SORCS3: variants seen among roughly 807,000 people sequenced by gnomAD.
The protein encoded by SORCS3 is VPS10 domain-containing receptor SorCS3.
A neutral mutation model predicts 146.3 loss-of-function variants in SORCS3; 57 were observed. The observed-to-expected ratio is 0.39, with a 90% CI of 0.31 to 0.49. The LOEUF is 0.49. Among genes scored for constraint, SORCS3 ranks in the 20% least tolerant of loss-of-function variants. The pLI is 0.92. For missense variants in SORCS3, 1,341 were observed against 1,575.5 expected (o/e 0.85, Z 2.52); for synonymous variants, 653 against 618.5 (o/e 1.06, Z -0.83).
intron 7 of SORCS3, among the ~76,000 whole-genome samples, chr10:105,126,178 A>C (rs1053417522): frequency 6.6e-6 from 1 of 152,124 alleles, no homozygotes; most frequent in South Asian, 2.1e-4. Context: ...ACTTTTTGTT[A>C]AATATGTCAA....
intron 3 of SORCS3, among the ~76,000 whole-genome samples, chr10:104,961,069 C>T (rs938325857): frequency 2.0e-5 from 3 of 152,058 alleles, no homozygotes; most frequent in Admixed American, 1.3e-4. Flanking sequence ...AGATAATAGG[C>T]ATGTTGGTGG....
At chr10:105,252,718 T>C in intron 22 of SORCS3, 57 bp from the exon 23 acceptor site, 1 of 1,608,368 alleles carries the variant, frequency 6.2e-7, no homozygotes, top group Non-Finnish European at 8.5e-7. Context: ...GCTCTTGTCA[T>C]TGATTTGGGG....
chr10:105,026,035 C>G (rs1437257355), intron 4 of SORCS3, among the ~76,000 whole-genome samples: 1 of 152,150 alleles, frequency 6.6e-6, no homozygotes, highest in Non-Finnish European at 1.5e-5. Flanking sequence ...AGTACAGCAG[C>G]AAATTGTCAC....
chr10:104,982,371 T>G (rs147640180), intron 4 of SORCS3, among the ~76,000 whole-genome samples: 84 of 152,300 alleles, frequency 5.5e-4, no homozygotes, highest in African/African-American at 2.0e-3. Flanking sequence ...ACCCTCAGAT[T>G]AAAAATGTAA....
intron 20 of SORCS3, among the ~76,000 whole-genome samples, chr10:105,240,635 A>C (rs963301998): frequency 1.3e-5 from 2 of 152,192 alleles, no homozygotes; most frequent in African/African-American, 4.8e-5. Context: ...CATTAACCGT[A>C]GTTGAATTTT....
intron 18 of SORCS3, 141 bp from the exon 19 acceptor site, chr10:105,216,795 G>A (rs2056667710): frequency 2.6e-6 from 2 of 759,248 alleles, no homozygotes; most frequent in South Asian, 3.4e-5. Context: ...ATAGGAGTGT[G>A]ATCATTGTGT....
intron 3 of SORCS3, among the ~76,000 whole-genome samples, chr10:104,967,365 G>A (rs2054831573): frequency 6.6e-6 from 1 of 152,138 alleles, no homozygotes. Context: ...TTAAATTATG[G>A]CAAACAAACA....
chr10:105,091,617 C>T (rs1222174373), intron 6 of SORCS3, among the ~76,000 whole-genome samples: 3 of 150,808 alleles, frequency 2.0e-5, no homozygotes, highest in Non-Finnish European at 4.4e-5. Flanking sequence ...AGATGTAAAT[C>T]GGTGAGACAG....
intron 8 of SORCS3, among the ~76,000 whole-genome samples, chr10:105,144,396 C>T (rs1024762848): frequency 1.3e-5 from 2 of 152,126 alleles, no homozygotes; most frequent in Non-Finnish European, 2.9e-5. Flanking sequence ...CGTTGTCTGA[C>T]ACATGGCAGA....
chr10:104,714,981 G>C (rs2016459330), intron 1 of SORCS3, among the ~76,000 whole-genome samples: 1 of 152,170 alleles, frequency 6.6e-6, no homozygotes, highest in Admixed American at 6.5e-5. Context: ...TATATGTGGG[G>C]TTGGGAGGAA....
At chr10:104,788,814 A>T (rs1035988288) in intron 1 of SORCS3, among the ~76,000 whole-genome samples, 3 of 152,230 alleles carry the variant, frequency 2.0e-5, no homozygotes, top group South Asian at 4.1e-4. Context: ...TGTGGGATTT[A>T]TCACTGCTAA....
chr10:104,650,181 A>G (rs2015540943), intron 1 of SORCS3, among the ~76,000 whole-genome samples: 1 of 152,180 alleles, frequency 6.6e-6, no homozygotes, highest in Admixed American at 6.5e-5. Context: ...CTTTGTGGTG[A>G]TCTATACCCA....
chr10:105,105,598 C>T (rs1034807286), intron 7 of SORCS3, 83 bp downstream of exon 7: 4 of 962,000 alleles, frequency 4.2e-6, no homozygotes, highest in Admixed American at 1.7e-5. Flanking sequence ...GTGGCTTTCC[C>T]AAGGTTGTGA....
At chr10:104,917,287 T>A (rs2019040489) in intron 3 of SORCS3, among the ~76,000 whole-genome samples, 1 of 152,200 alleles carries the variant, frequency 6.6e-6, no homozygotes, top group South Asian at 2.1e-4. Flanking sequence ...TTTAAATTAT[T>A]GGATTTTAGA....
chr10:104,974,621 C>A (rs1367072184), intron 3 of SORCS3, among the ~76,000 whole-genome samples: 1 of 152,176 alleles, frequency 6.6e-6, no homozygotes, highest in Non-Finnish European at 1.5e-5. Flanking sequence ...TTGAATACAG[C>A]ATACTGATGG....
chr10:105,000,205 A>G (rs544948170), intron 4 of SORCS3, among the ~76,000 whole-genome samples: 1 of 152,270 alleles, frequency 6.6e-6, no homozygotes, highest in African/African-American at 2.4e-5. Flanking sequence ...AGAAACTATT[A>G]AGTACCTAAT....
chr10:105,229,645 C>T (rs917658453), intron 20 of SORCS3, among the ~76,000 whole-genome samples: 2 of 152,130 alleles, frequency 1.3e-5, no homozygotes, highest in Non-Finnish European at 2.9e-5. Context: ...AGCTGTGATT[C>T]CCTTGCTGGA....
At chr10:104,890,541 G>A (rs973262214) in intron 2 of SORCS3, among the ~76,000 whole-genome samples, 3 of 151,776 alleles carry the variant, frequency 2.0e-5, no homozygotes, top group Admixed American at 6.6e-5. Flanking sequence ...TTTGATTTGT[G>A]TCTTCTTATA....
intron 7 of SORCS3, among the ~76,000 whole-genome samples, chr10:105,107,114 C>T (rs549755518): frequency 6.6e-6 from 1 of 152,288 alleles, no homozygotes; most frequent in African/African-American, 2.4e-5. Context: ...ACAGAACCAA[C>T]AGGTCACCCT....
Sources: allele counts gnomAD v4.1 joint callset (sites outside exome capture counted in the v4.1 genomes callset), GRCh38; gene constraint gnomAD v4.1.1; transcripts MANE v1.5; gene names NCBI Gene and HGNC (gene_info 2026-07-23, HGNC 2026-07-21).